RGS7: variants seen among roughly 807,000 people sequenced by gnomAD.
RGS7 encodes regulator of G-protein signaling 7.
In RGS7, 27 loss-of-function variants were observed where a neutral mutation model predicts 81.1. The observed-to-expected ratio is 0.33, with a 90% CI of 0.25 to 0.46. The LOEUF (loss-of-function observed/expected upper bound fraction) is 0.46. RGS7 is among the 20% of genes least tolerant of loss of function. RGS7 has a pLI of 1.00. For missense variants in RGS7, 396 were observed against 607.4 expected (o/e 0.65, Z 3.66); for synonymous variants, 208 against 207.7 (o/e 1.00, Z -0.01).
At chr1:240,944,862 C>A (rs1678333910) in intron 4 of RGS7, among the ~76,000 whole-genome samples, 1 of 152,174 alleles carries the variant, frequency 6.6e-6, no homozygotes, top group Non-Finnish European at 1.5e-5. Context: ...TACAGGCATG[C>A]GCCACCACGC....
In RGS7 at chr1:241,355,732, G is replaced by A. The variant is rs775458133; in HGVS notation, c.45C>T (p.Ala15=). The A allele has an allele frequency of 6.2e-6, 10 of 1,613,930 alleles. No individual in the cohort carries two copies. The East Asian group carries it at 1.3e-4, about 22-fold the overall frequency. The change falls in exon 2 of 19, where the codon GCC becomes GCT. Residue 15 remains alanine (A), a synonymous_variant. Transcript: ENST00000440928. ...ACACCAGCATGTTGGGTGATTCATCGGCCACCCCGTTGCTGGTCTGCCCAT... is the reference window on the plus strand; with the variant it reads ...ACACCAGCATGTTGGGTGATTCATCAGCCACCCCGTTGCTGGTCTGCCCAT... ...NNYGQTSNGV[A]DESPNMLVYR...
At chr1:240,779,535 A>G (rs1415164559) in intron 18 of RGS7, among the ~76,000 whole-genome samples, 1 of 152,160 alleles carries the variant, frequency 6.6e-6, no homozygotes, top group Non-Finnish European at 1.5e-5. Context: ...ATGGCTGTCT[A>G]TGAACCAGGA....
chr1:241,255,373 G>T (rs887820306), intron 2 of RGS7, among the ~76,000 whole-genome samples: 2 of 152,174 alleles, frequency 1.3e-5, no homozygotes, highest in Admixed American at 6.5e-5. Context: ...TCATTGACAG[G>T]TGTAGTTAGT....
At chr1:241,279,035 T>G (rs1377381614) in intron 2 of RGS7, among the ~76,000 whole-genome samples, 1 of 152,164 alleles carries the variant, frequency 6.6e-6, no homozygotes, top group Non-Finnish European at 1.5e-5. Flanking sequence ...CATAGTTAAG[T>G]GCCACTTTAA....
chr1:240,966,182 G>T (rs1682268463), intron 4 of RGS7, among the ~76,000 whole-genome samples: 2 of 151,880 alleles, frequency 1.3e-5, no homozygotes, highest in Admixed American at 1.3e-4. Flanking sequence ...AAAAAGTCTG[G>T]ATATGCTATT....
chr1:240,893,634 A>C (rs1338113875), intron 6 of RGS7, among the ~76,000 whole-genome samples: 2 of 152,256 alleles, frequency 1.3e-5, no homozygotes, highest in East Asian at 1.9e-4. Flanking sequence ...AAACTTGAGA[A>C]TATATAGTCC....
intron 4 of RGS7, among the ~76,000 whole-genome samples, chr1:240,970,616 C>T (rs898737865): frequency 2.0e-5 from 3 of 152,206 alleles, no homozygotes; most frequent in African/African-American, 7.2e-5. Flanking sequence ...CATGTGCAGA[C>T]TTCTCACTTT....
intron 2 of RGS7, among the ~76,000 whole-genome samples, chr1:241,207,356 T>C (rs901637598): frequency 6.6e-6 from 1 of 151,282 alleles, no homozygotes; most frequent in African/African-American, 2.4e-5. Context: ...TGCATATATA[T>C]ATATGCGTAA....
rs900869170 is a variant in RGS7 at position 240,799,340 on chromosome 1, G to C, written c.*6+1301C>G. 1.5e-4 allele frequency among the ~76,000 whole-genome samples: 19 copies of C among 126,204 alleles called. 1 individual carries two copies. The highest frequency in any genetic ancestry group is 3.9e-3 in the Middle Eastern group (1 of 258). 82.8% of individuals were successfully genotyped at this position (126,204 alleles called of 152,430 possible). A position where few individuals can be genotyped will look rare whatever the true frequency, so the allele number is the denominator to read the frequency against. ...ATGGTATTCAACTTCTTTTCCTTCA[G>C]TAATTCCAGTTGTTTTTTTTTTTTC... is the stretch of plus-strand genomic sequence containing the variant. On this transcript the variant is annotated intron_variant, in intron 18 of 18. Coordinates refer to ENST00000440928, the MANE Select transcript of RGS7 (RefSeq NM_001364886.1).
rs1341062164 is a variant in RGS7 at position 240,853,838 on chromosome 1, T to C, written c.609+14749A>G. Among the ~76,000 whole-genome samples, 11 of 131,486 alleles carry C rather than the reference T, an allele frequency of 8.4e-5. No homozygotes were observed. In the South Asian group the frequency reaches 2.5e-3, roughly 30 times the overall value. The allele number at this position is 131,486 out of a possible 152,430, so 86.3% of individuals were successfully genotyped here. A position where few individuals can be genotyped will look rare whatever the true frequency, so the allele number is the denominator to read the frequency against. ...ATGGCGTGAACCCGGGAGGCGGAGC[T>C]TGCAGTGAGCCGAGATCAGGCCACT... On this transcript the variant is annotated intron_variant, in intron 9 of 18. Coordinates refer to ENST00000440928, the MANE Select transcript of RGS7 (RefSeq NM_001364886.1).
intron 3 of RGS7, among the ~76,000 whole-genome samples, chr1:241,071,530 G>A (rs1434756807): frequency 6.8e-6 from 1 of 146,244 alleles, no homozygotes; most frequent in Non-Finnish European, 1.5e-5. Context: ...TAGCAGTGAT[G>A]TTTTTGTCAA....
At chr1:241,206,557 C>T (rs888182536) in intron 2 of RGS7, among the ~76,000 whole-genome samples, 2 of 152,136 alleles carry the variant, frequency 1.3e-5, no homozygotes, top group East Asian at 3.9e-4. Flanking sequence ...GTTCACATTG[C>T]TATCAGTAAA....
At chr1:241,055,467 C>G (rs1467350793) in intron 3 of RGS7, among the ~76,000 whole-genome samples, 3 of 152,056 alleles carry the variant, frequency 2.0e-5, no homozygotes, top group Non-Finnish European at 4.4e-5. Flanking sequence ...GATGAACAGC[C>G]TGAGGTAAGA....
chr1:240,842,398 GTCA>G (rs1658229108), intron 9 of RGS7, among the ~76,000 whole-genome samples: 1 of 151,250 alleles, frequency 6.6e-6, no homozygotes. Context: ...CACCATGTTG[GTCA>G]GGTTGGTCTC....
chr1:241,158,665 A>C (rs1165056046), intron 2 of RGS7, among the ~76,000 whole-genome samples: 1 of 152,186 alleles, frequency 6.6e-6, no homozygotes, highest in Non-Finnish European at 1.5e-5. Context: ...TGTGAAGGGT[A>C]TTTTAGATCT....
At chr1:241,204,152 T>C (rs772333650) in intron 2 of RGS7, among the ~76,000 whole-genome samples, 9 of 152,074 alleles carry the variant, frequency 5.9e-5, no homozygotes, top group Non-Finnish European at 1.2e-4. Context: ...CAGGTGTGTA[T>C]AGAGAAGGAG....
rs79188729 is a variant in RGS7, at chr1:241,315,484, T to G, written c.78+40215A>C. 9.5e-3 allele frequency among the ~76,000 whole-genome samples: 1,449 copies of G among 152,320 alleles called. 10 individuals carry two copies. Among genetic ancestry groups the G allele is most frequent in the Non-Finnish European group, 0.014 (945 of 68,016 alleles). ...AGCCACTTTCTTGTGGTACTAAACA[T>G]TTGAATGTAGTCTCTAATGTTATTA... is the stretch of plus-strand genomic sequence containing the variant. On this transcript the variant is annotated intron_variant, in intron 2 of 18. Coordinates refer to ENST00000440928, the MANE Select transcript of RGS7 (RefSeq NM_001364886.1).
chr1:241,330,975 T>C lies in RGS7; in HGVS notation c.78+24724A>G, dbSNP rs115200032. 8.8e-3 allele frequency among the ~76,000 whole-genome samples: 1,338 copies of C among 152,358 alleles called. 15 individuals carry two copies. Among genetic ancestry groups the C allele is most frequent in the African/African-American group, 0.03 (1,258 of 41,578 alleles). Reference sequence around the variant, plus strand: ...TATTTACATGTAACATTGATTTTCATTGGTCCATTAGTACATCTCTATTTA... The same window carrying C: ...TATTTACATGTAACATTGATTTTCACTGGTCCATTAGTACATCTCTATTTA... On this transcript the variant is annotated intron_variant, in intron 2 of 18. Coordinates refer to ENST00000440928, the MANE Select transcript of RGS7 (RefSeq NM_001364886.1).
At chr1:241,159,418 C>A (rs1244111652) in intron 2 of RGS7, among the ~76,000 whole-genome samples, 1 of 152,064 alleles carries the variant, frequency 6.6e-6, no homozygotes, top group Non-Finnish European at 1.5e-5. Context: ...TTGAAAAACA[C>A]CTACTTATCC....
Sources: allele counts gnomAD v4.1 joint callset (sites outside exome capture counted in the v4.1 genomes callset), GRCh38; gene constraint gnomAD v4.1.1; transcripts MANE v1.5; gene names NCBI Gene and HGNC (gene_info 2026-07-23, HGNC 2026-07-21).